The following DEPTOR variants were observed in gnomAD, a reference collection of about 807,000 sequenced individuals.
DEPTOR encodes DEP domain containing MTOR interacting protein.
DEPTOR carries 41 observed loss-of-function variants against 41.6 expected under a neutral mutation model. The observed-to-expected ratio is 0.98, with a 90% CI of 0.77 to 1.28. DEPTOR has a LOEUF of 1.28. Among genes scored for constraint, DEPTOR ranks in the 50% most tolerant of loss-of-function variants. DEPTOR has a pLI of 0.00. For synonymous variants in DEPTOR, 195 were observed against 192.3 expected, an observed-to-expected ratio of 1.01 and a Z score of -0.12; for missense variants, 514 against 527.9, an observed-to-expected ratio of 0.97 and a Z score of 0.26.
At chr8:119,948,936 C>T (rs971315914) in intron 3 of DEPTOR, among the ~76,000 whole-genome samples, 1 of 152,010 alleles carries the variant, frequency 6.6e-6, no homozygotes, top group African/African-American at 2.4e-5. Flanking sequence ...TACAGACATG[C>T]GCCACCACAC....
At chr8:119,927,452 C>T (rs1262277043) in intron 1 of DEPTOR, among the ~76,000 whole-genome samples, 1 of 151,770 alleles carries the variant, frequency 6.6e-6, no homozygotes, top group Non-Finnish European at 1.5e-5. Context: ...TCTCTTTTGT[C>T]TCTATCCCTT....
intron 1 of DEPTOR, among the ~76,000 whole-genome samples, chr8:119,910,121 A>G (rs1827718531): frequency 6.6e-6 from 1 of 152,250 alleles, no homozygotes; most frequent in African/African-American, 2.4e-5. Context: ...AAGCCTCATC[A>G]TATACAGGCA....
chr8:119,879,666 G>A (rs1827273618), intron 1 of DEPTOR, among the ~76,000 whole-genome samples: 1 of 151,948 alleles, frequency 6.6e-6, no homozygotes, highest in Admixed American at 6.6e-5. Context: ...AGCTGAGATT[G>A]CACCATGACA....
At chr8:120,037,108 T>C (rs1377113496) in intron 8 of DEPTOR, among the ~76,000 whole-genome samples, 2 of 152,238 alleles carry the variant, frequency 1.3e-5, no homozygotes, top group Non-Finnish European at 2.9e-5. Flanking sequence ...ATGGTTTGTC[T>C]GCCTTTCAAC....
At chr8:119,961,865 A>T (rs1828496982) in intron 3 of DEPTOR, among the ~76,000 whole-genome samples, 2 of 152,166 alleles carry the variant, frequency 1.3e-5, no homozygotes, top group South Asian at 4.1e-4. Flanking sequence ...CATATGGAAG[A>T]CAGGAACTCA....
At position 120,043,089 on chromosome 8, in the gene DEPTOR, A is replaced by T. The variant is rs58669058; in HGVS notation, c.1102-6487A>T. ...TGGTCTAGAACTCTTCTTTTTTTTTAAAATTTTTTATTTATATAGGTAATT... is the reference window on the plus strand; with the variant it reads ...TGGTCTAGAACTCTTCTTTTTTTTTTAAATTTTTTATTTATATAGGTAATT... On this transcript the variant is annotated intron_variant, in intron 8 of 8. Transcript: ENST00000286234. 9.4e-3 allele frequency among the ~76,000 whole-genome samples: 1,309 copies of T among 139,006 alleles called. 14 individuals are homozygous for T. The highest frequency in any genetic ancestry group is 0.023 in the African/African-American group (848 of 37,090). The allele number at this position is 139,006 out of a possible 152,430, so 91.2% of individuals were successfully genotyped here. A position where few individuals can be genotyped will look rare whatever the true frequency, so the allele number is the denominator to read the frequency against.
chr8:119,941,300 G>T (rs1828199916), intron 3 of DEPTOR, among the ~76,000 whole-genome samples: 1 of 145,884 alleles, frequency 6.9e-6, no homozygotes, highest in Non-Finnish European at 1.5e-5. Flanking sequence ...TTGAACCTGG[G>T]AGGCAGAGAT....
At chr8:119,903,006 C>T (rs1008483183) in intron 1 of DEPTOR, among the ~76,000 whole-genome samples, 1 of 152,104 alleles carries the variant, frequency 6.6e-6, no homozygotes, top group Non-Finnish European at 1.5e-5. Flanking sequence ...AGGGCAGGGT[C>T]TATGTGTGTC....
intron 3 of DEPTOR, among the ~76,000 whole-genome samples, chr8:119,943,462 T>C (rs1828229929): frequency 6.6e-6 from 1 of 151,934 alleles, no homozygotes; most frequent in Non-Finnish European, 1.5e-5. Context: ...AACCATCAGA[T>C]CTCGTGAGAA....
At chr8:119,881,285 GC>G (rs1280450750) in intron 1 of DEPTOR, among the ~76,000 whole-genome samples, 3 of 152,264 alleles carry the variant, frequency 2.0e-5, no homozygotes, top group Admixed American at 6.5e-5. Flanking sequence ...ACTCTGGGAG[GC>G]CGAGGTGGGC....
chr8:120,015,781 G>T (rs1248554707), intron 8 of DEPTOR, among the ~76,000 whole-genome samples: 1 of 152,216 alleles, frequency 6.6e-6, no homozygotes, highest in African/African-American at 2.4e-5. Flanking sequence ...GGCTGGCGGA[G>T]GTGGTGTCTG....
intron 1 of DEPTOR, among the ~76,000 whole-genome samples, chr8:119,894,169 A>G (rs1418972912): frequency 1.8e-4 from 28 of 151,892 alleles, no homozygotes; most frequent in Admixed American, 1.8e-3. Context: ...CCTGGGCTCA[A>G]GCGATCCTTC....
At chr8:120,015,930 G>A (rs921157063) in intron 8 of DEPTOR, among the ~76,000 whole-genome samples, 1 of 152,158 alleles carries the variant, frequency 6.6e-6, no homozygotes, top group Non-Finnish European at 1.5e-5. Flanking sequence ...ATAGGTGGGG[G>A]CGGCCATGTT....
intron 5 of DEPTOR, 21 bp downstream of exon 5, chr8:120,001,731 T>TTGGA: frequency 6.2e-7 from 1 of 1,602,108 alleles, no homozygotes; most frequent in South Asian, 1.1e-5. Context: ...CCGGCATTTA[T>TTGGA]TGGAGCTCAA....
Position 120,009,201 on chromosome 8 carries a change from T to A in DEPTOR, c.1101+68T>A. 1.1e-5 allele frequency: 15 copies of A among 1,378,316 alleles called. No homozygotes were observed. The South Asian group carries it at 1.9e-4, about 17-fold the overall frequency. The allele number at this position is 1,378,316 out of a possible 1,614,324, so 85.4% of individuals were successfully genotyped here. ...GTTCTTCATGCTAAATTGGCCATGA[T>A]TCTTACTAGGGATCCAAACCCATCT... On this transcript the variant is annotated intron_variant, in intron 8 of 8. Transcript: ENST00000286234.
chr8:119,965,229 C>T lies in DEPTOR; in HGVS notation c.426-3C>T. Reference sequence around the variant, plus strand: ...CTTTTCTTTTCCCTTTTTTTCTTCCCAGGCTGATGAGCCCTGAAAACACAC... The same window carrying T: ...CTTTTCTTTTCCCTTTTTTTCTTCCTAGGCTGATGAGCCCTGAAAACACAC... On this transcript the variant is annotated splice_region_variant and splice_polypyrimidine_tract_variant and intron_variant, in intron 3 of 8. Transcript: ENST00000286234. 6.3e-7 allele frequency: 1 copy of T among 1,595,238 alleles called. No homozygotes were observed. Among genetic ancestry groups the T allele is most frequent in the Non-Finnish European group, 8.5e-7 (1 of 1,174,792 alleles).
At chr8:119,888,565 C>A (rs1419674299) in intron 1 of DEPTOR, among the ~76,000 whole-genome samples, 2 of 152,010 alleles carry the variant, frequency 1.3e-5, no homozygotes, top group Non-Finnish European at 2.9e-5. Flanking sequence ...AACAAGAATT[C>A]TTTATCCAAG....
chr8:119,923,873 CTTTCT>C (rs1039259095), intron 1 of DEPTOR, among the ~76,000 whole-genome samples: 8 of 129,874 alleles, frequency 6.2e-5, no homozygotes, highest in African/African-American at 2.4e-4. Flanking sequence ...TCTGTTTTTC[CTTTCT>C]TTTCTTTTTT....
rs550881305 is a variant in DEPTOR at position 119,961,331 on chromosome 8, G to A, written c.426-3901G>A. Among the ~76,000 whole-genome samples, 11 of 150,372 alleles carry A rather than the reference G, an allele frequency of 7.3e-5. No individual in the cohort carries two copies. The South Asian group carries it at 8.4e-4, about 12-fold the overall frequency. On this transcript the variant is annotated intron_variant, in intron 3 of 8. Coordinates refer to ENST00000286234, the MANE Select transcript of DEPTOR (RefSeq NM_022783.4). ...CTTGGGAGGCTGAGGCAGGAGAATCGCTTGAACCTGGGAGGTAGAGGTTGC... is the reference window on the plus strand; with the variant it reads ...CTTGGGAGGCTGAGGCAGGAGAATCACTTGAACCTGGGAGGTAGAGGTTGC...
Sources: gnomAD v4.1 joint callset for allele counts (sites outside exome capture counted in the v4.1 genomes callset) on GRCh38, gnomAD v4.1.1 for gene constraint, MANE v1.5 for transcripts, NCBI Gene and HGNC (gene_info 2026-07-23, HGNC 2026-07-21) for gene names.